Variants in SYT1 observed in about 807,000 individuals in gnomAD.
SYT1 encodes synaptotagmin-1.
Under a neutral mutation model 44.8 loss-of-function variants are expected in SYT1, and 8 were observed. That is an observed-to-expected ratio of 0.18 (90% CI 0.10 to 0.32). SYT1 has a LOEUF of 0.32. Ranked by LOEUF, SYT1 falls within the 10% of genes least tolerant of loss-of-function variation. SYT1 has a pLI of 1.00. For missense variants in SYT1, 286 were observed against 509.3 expected, an observed-to-expected ratio of 0.56 and a Z score of 4.22; for synonymous variants, 154 against 188.8, an observed-to-expected ratio of 0.82 and a Z score of 1.51.
At chr12:79,290,017 G>C (rs1445396817) in intron 5 of SYT1, among the ~76,000 whole-genome samples, 1 of 151,338 alleles carries the variant, frequency 6.6e-6, no homozygotes, top group Non-Finnish European at 1.5e-5. Context: ...TTAGCTATTA[G>C]TAAGTCAACA....
intron 1 of SYT1, among the ~76,000 whole-genome samples, chr12:78,888,619 G>A (rs535601764): frequency 3.9e-5 from 6 of 152,016 alleles, no homozygotes; most frequent in African/African-American, 1.4e-4. Flanking sequence ...TCTTGTTGGA[G>A]TTGTTCACTT....
chr12:79,019,063 C>A (rs1249072244), intron 2 of SYT1, among the ~76,000 whole-genome samples: 1 of 151,930 alleles, frequency 6.6e-6, no homozygotes, highest in Non-Finnish European at 1.5e-5. Flanking sequence ...GTTGCCAAAC[C>A]TCAATTTTAT....
intron 3 of SYT1, among the ~76,000 whole-genome samples, chr12:79,156,471 C>T (rs924519851): frequency 1.4e-5 from 2 of 147,752 alleles, no homozygotes; most frequent in South Asian, 4.4e-4. Flanking sequence ...TGTTGTTGTT[C>T]TTGTTGTTGT....
intron 3 of SYT1, among the ~76,000 whole-genome samples, chr12:79,132,077 C>CT (rs1425797129): frequency 6.6e-6 from 1 of 152,118 alleles, no homozygotes; most frequent in African/African-American, 2.4e-5. Context: ...TTATTAAAGA[C>CT]TTTGTTACAA....
At chr12:79,236,851 A>C (rs138814082) in intron 4 of SYT1, among the ~76,000 whole-genome samples, 200 of 152,366 alleles carry the variant, frequency 1.3e-3, no homozygotes, top group Non-Finnish European at 2.5e-3. Flanking sequence ...CTTGTGAGAG[A>C]CGTGTAGAGG....
chr12:78,991,941 G>A (rs569196423), intron 2 of SYT1, among the ~76,000 whole-genome samples: 2 of 152,048 alleles, frequency 1.3e-5, no homozygotes, highest in East Asian at 1.9e-4. Context: ...ATTATTTCCT[G>A]GAAACTTTAT....
chr12:79,350,040 T>C (rs1236760364), intron 8 of SYT1, among the ~76,000 whole-genome samples: 2 of 151,882 alleles, frequency 1.3e-5, no homozygotes, highest in East Asian at 3.9e-4. Context: ...ATGAAAATAT[T>C]GGTTTCCAAA....
At chr12:79,330,168 A>G (rs183162065) in intron 8 of SYT1, among the ~76,000 whole-genome samples, 38 of 152,316 alleles carry the variant, frequency 2.5e-4, no homozygotes, top group African/African-American at 6.7e-4. Flanking sequence ...TCACCTCAAC[A>G]GTCTACAGAT....
chr12:79,275,825 A>G (rs1878685131), intron 4 of SYT1, among the ~76,000 whole-genome samples: 1 of 152,188 alleles, frequency 6.6e-6, no homozygotes, highest in Admixed American at 6.5e-5. Context: ...AGGGAAGTAC[A>G]CATGACTGGG....
intron 8 of SYT1, among the ~76,000 whole-genome samples, chr12:79,350,378 G>A (rs1376469125): frequency 1.3e-5 from 2 of 149,492 alleles, no homozygotes; most frequent in Admixed American, 6.8e-5. Flanking sequence ...TCAGCCTCCA[G>A]AGTAGCTGGG....
intron 2 of SYT1, among the ~76,000 whole-genome samples, chr12:79,014,926 T>C (rs1167791946): frequency 6.6e-6 from 1 of 151,850 alleles, no homozygotes; most frequent in Non-Finnish European, 1.5e-5. Context: ...ATGGATGAAA[T>C]TGGAAATCAT....
At chr12:79,223,203 C>T (rs1157731580) in intron 4 of SYT1, among the ~76,000 whole-genome samples, 1 of 152,200 alleles carries the variant, frequency 6.6e-6, no homozygotes, top group Non-Finnish European at 1.5e-5. Flanking sequence ...AATGTCTGTG[C>T]ATTTGAAGAA....
At chr12:78,891,778 T>TGAA (rs1176481983) in intron 1 of SYT1, among the ~76,000 whole-genome samples, 1 of 151,852 alleles carries the variant, frequency 6.6e-6, no homozygotes, top group African/African-American at 2.4e-5. Context: ...GTGAGATCTG[T>TGAA]GAAGTAGTCT....
At chr12:79,129,429 A>T (rs1297679777) in intron 3 of SYT1, among the ~76,000 whole-genome samples, 1 of 152,188 alleles carries the variant, frequency 6.6e-6, no homozygotes, top group Non-Finnish European at 1.5e-5. Flanking sequence ...ACTTTCCCTC[A>T]TGGGTCTATG....
intron 2 of SYT1, among the ~76,000 whole-genome samples, chr12:79,038,182 CACACACATATATATACACATATATAT>C (rs1238690546): frequency 6.6e-6 from 1 of 150,794 alleles, no homozygotes; most frequent in Non-Finnish European, 1.5e-5. Flanking sequence ...TATATATACA[CACACACATATATATACACATATATAT>C]ACACACATAT....
intron 3 of SYT1, among the ~76,000 whole-genome samples, chr12:79,135,014 G>A (rs556587435): frequency 7.0e-6 from 1 of 142,872 alleles, no homozygotes; most frequent in South Asian, 2.2e-4. Flanking sequence ...CACACAAATG[G>A]TAACAATGTG....
At chr12:78,924,528 C>T (rs975950938) in intron 1 of SYT1, among the ~76,000 whole-genome samples, 2 of 150,218 alleles carry the variant, frequency 1.3e-5, no homozygotes, top group Non-Finnish European at 3.0e-5. Context: ...AGCTTTTTTC[C>T]ACCTAATTAT....
At chr12:79,164,845 C>A (rs1244311291) in intron 3 of SYT1, among the ~76,000 whole-genome samples, 1 of 151,956 alleles carries the variant, frequency 6.6e-6, no homozygotes, top group African/African-American at 2.4e-5. Context: ...GTAGACAGAA[C>A]CCGGCGGATA....
chr12:78,907,177 A>T (rs1212531489), intron 1 of SYT1, among the ~76,000 whole-genome samples: 2 of 151,946 alleles, frequency 1.3e-5, no homozygotes, highest in East Asian at 3.9e-4. Context: ...TTCCCATTTT[A>T]AAAGAAGAAA....
Sources: gnomAD v4.1 joint callset for allele counts (sites outside exome capture counted in the v4.1 genomes callset) on GRCh38, gnomAD v4.1.1 for gene constraint, MANE v1.5 for transcripts, NCBI Gene and HGNC (gene_info 2026-07-23, HGNC 2026-07-21) for gene names.